ALDH3A2: variants seen among roughly 807,000 people sequenced by gnomAD.
The protein encoded by ALDH3A2 is aldehyde dehydrogenase 3 family member A2.
A neutral mutation model predicts 51.3 loss-of-function variants in ALDH3A2; 36 were observed. The ratio of observed to expected loss-of-function variants is 0.70; its 90% confidence interval spans 0.54 to 0.93. The LOEUF is 0.93. Among genes scored for constraint, ALDH3A2 ranks in the 40% least tolerant of loss-of-function variants. The pLI, the probability that ALDH3A2 is intolerant of heterozygous loss-of-function variation, is 0.00. For synonymous variants in ALDH3A2, 199 were observed against 219.8 expected (o/e 0.91, Z 0.84); for missense variants, 552 against 603.1 (o/e 0.92, Z 0.89).
Position 19,656,499 on chromosome 17 carries a change from C to A in ALDH3A2, c.605C>A (p.Thr202Asn), listed in dbSNP as rs2084899291. ...ATGGAAGCTGCTGCCAAGCATCTGA[C>A]CCCTGTGACTCTTGAACTGGGAGGG... ...IVMEAAAKHL[T>N]PVTLELGGKS... The change falls in exon 4 of 10, where the codon ACC (threonine) becomes AAC (asparagine). Residue 202 changes from threonine (T) to asparagine (N), a missense_variant. By Grantham distance (65) the Thr-to-Asn change is moderately conservative (BLOSUM62 0). Transcript: ENST00000176643. 4 of 1,614,146 alleles carry A rather than the reference C, an allele frequency of 2.5e-6. No homozygotes were observed. The highest frequency in any genetic ancestry group is 3.4e-6 in the Non-Finnish European group (4 of 1,180,036).
intron 8 of ALDH3A2, among the ~76,000 whole-genome samples, chr17:19,670,905 G>A (rs1472361570): frequency 6.6e-6 from 1 of 152,074 alleles, no homozygotes; most frequent in African/African-American, 2.4e-5. Context: ...GGTTTCTCAT[G>A]GTCTTGTCCT....
rs930628034 is a variant in ALDH3A2, at chr17:19,654,670, G to A, written c.472-1696G>A. 5.3e-5 allele frequency among the ~76,000 whole-genome samples: 8 copies of A among 151,666 alleles called. No individual in the cohort carries two copies. The highest frequency in any genetic ancestry group is 2.1e-4 in the South Asian group (1 of 4,780). The stretch of plus-strand genomic sequence containing the variant: ...TCGCTCTGGCTTGTGAGCGCCACGC[G>A]CAGCCCCGGTTCCTGCCTGCGCCTC... On this transcript the variant is annotated intron_variant, in intron 3 of 9. Coordinates refer to ENST00000176643, the MANE Select transcript of ALDH3A2 (RefSeq NM_000382.3). This position sits in a 1 kb window ranked among gnomAD's most constrained non-coding sequence, Gnocchi z 4.5.
intron 1 of ALDH3A2, chr17:19,649,708 TCTC>T (rs369725193): frequency 2.6e-5 from 4 of 152,382 alleles, no homozygotes; most frequent in Non-Finnish European, 4.4e-5. Flanking sequence ...TTAGGTCAGT[TCTC>T]CTCAAATTTT....
At chr17:19,661,474 C>T (rs932604007) in intron 6 of ALDH3A2, 4 of 596,222 alleles carry the variant, frequency 6.7e-6, no homozygotes, top group African/African-American at 5.6e-5. Context: ...ATGCCACCAG[C>T]GTTGCTCCAG....
At position 19,649,095 on chromosome 17, in the gene ALDH3A2, C is replaced by G. The variant is rs982580046; in HGVS notation, c.124C>G (p.Leu42Val). The G allele has an allele frequency of 3.2e-6, 5 of 1,580,708 alleles. No homozygotes were observed. Among genetic ancestry groups the G allele is most frequent in the Non-Finnish European group, 4.3e-6 (5 of 1,163,904 alleles). Reference protein sequence around the residue: ...RMVQEREKDILTAIAADLCKS... With the variant: ...RMVQEREKDIVTAIAADLCKS... Reference sequence around the variant, plus strand: ...GGTGCAGGAGCGCGAGAAGGATATCCTGACGGCCATCGCCGCCGACCTGTG... The same window carrying G: ...GGTGCAGGAGCGCGAGAAGGATATCGTGACGGCCATCGCCGCCGACCTGTG... The change falls in exon 1 of 10, where the codon CTG becomes GTG. Residue 42 changes from leucine to valine, a missense_variant. Physicochemically the swap from Leu to Val is conservative, Grantham distance 32 (BLOSUM62 1). Coordinates refer to ENST00000176643, the MANE Select transcript of ALDH3A2 (RefSeq NM_000382.3).
In ALDH3A2 at chr17:19,663,360, CT is replaced by C; in HGVS notation, c.969del (p.Thr325ProfsTer3). ...CCAACAGTACTTACCGATGTTGATCCTAAAACCAAGGTGATGCAAGAAGAAA... is the reference window on the plus strand; with the variant it reads ...CCAACAGTACTTACCGATGTTGATCCAAAACCAAGGTGATGCAAGAAGAAA... ...IAPTVLTDVDPKTKVMQEEIF... is the reference protein window; with the variant it reads ...IAPTVLTDVDXKTKVMQEEIF... On this transcript the variant is annotated frameshift_variant, in exon 7 of 10. Coordinates refer to ENST00000176643, the MANE Select transcript of ALDH3A2 (RefSeq NM_000382.3). LOFTEE classifies it high-confidence loss of function. The C allele has an allele frequency of 6.2e-7, 1 of 1,614,078 alleles. No individual in the cohort carries two copies. Among genetic ancestry groups the C allele is most frequent in the Non-Finnish European group, 8.5e-7 (1 of 1,180,010 alleles).
chr17:19,648,395 C>A (rs2084763146), upstream of ALDH3A2: 1 of 152,916 alleles, frequency 6.5e-6, no homozygotes, highest in South Asian at 2.0e-4. Context: ...GAGGAGGGAA[C>A]CCCTCAGAGC....
In ALDH3A2 at chr17:19,673,354, T is replaced by G. The variant is rs1567608193; in HGVS notation, c.1443+1398T>G. 3.7e-6 allele frequency: 5 copies of G among 1,359,376 alleles called. No homozygotes were observed. In the African/African-American group the frequency reaches 5.5e-5, roughly 15 times the overall value. 84.2% of individuals were successfully genotyped at this position (1,359,376 alleles called of 1,614,324 possible). A position where few individuals can be genotyped will look rare whatever the true frequency, so the allele number is the denominator to read the frequency against. On this transcript the variant is annotated intron_variant, in intron 9 of 9. Transcript: ENST00000176643. ...TTTTCAAGGGTTTTTTGGTTTGTTT[T>G]TGTTTTTGTTTTTGTTTTTGTTTTT...
At chr17:19,669,461 C>G (rs891551190) in intron 8 of ALDH3A2, among the ~76,000 whole-genome samples, 1 of 151,892 alleles carries the variant, frequency 6.6e-6, no homozygotes, top group South Asian at 2.1e-4. Flanking sequence ...AATAAAAACA[C>G]GTTTGGGTCA....
At chr17:19,669,977 G>A (rs183032860) in intron 8 of ALDH3A2, among the ~76,000 whole-genome samples, 12 of 152,268 alleles carry the variant, frequency 7.9e-5, no homozygotes, top group African/African-American at 2.9e-4. Context: ...CTAATAAGTA[G>A]TAAAGCCAAG....
At chr17:19,669,939 C>T (rs1486538494) in intron 8 of ALDH3A2, among the ~76,000 whole-genome samples, 1 of 152,110 alleles carries the variant, frequency 6.6e-6, no homozygotes, top group Non-Finnish European at 1.5e-5. Flanking sequence ...CGTGCCCGGT[C>T]AAATGCACGC....
chr17:19,661,498 C>T (rs1456681637), intron 6 of ALDH3A2: 4 of 516,692 alleles, frequency 7.7e-6, no homozygotes, highest in East Asian at 3.5e-5. Flanking sequence ...TTCATATTTA[C>T]ACATAACTCC....
chr17:19,665,452 C>A (rs1004019502), intron 8 of ALDH3A2, among the ~76,000 whole-genome samples: 1 of 151,078 alleles, frequency 6.6e-6, no homozygotes, highest in Non-Finnish European at 1.5e-5. Flanking sequence ...GTTCGGAATA[C>A]CAGGGACAGA....
intron 6 of ALDH3A2, among the ~76,000 whole-genome samples, chr17:19,663,075 AG>A (rs1443524917): frequency 6.6e-6 from 1 of 152,210 alleles, no homozygotes; most frequent in Non-Finnish European, 1.5e-5. Flanking sequence ...GGCTGTGAAC[AG>A]GGTTCAATGT....
intron 4 of ALDH3A2, 59 bp downstream of exon 4, chr17:19,656,633 C>T: frequency 6.8e-7 from 1 of 1,470,682 alleles, no homozygotes; most frequent in Non-Finnish European, 9.3e-7. Flanking sequence ...CTTTTCCTGA[C>T]AATGTTACTC....
chr17:19,656,310 G>T (rs2072332), intron 3 of ALDH3A2, 56 bp from the exon 4 acceptor site: 2 of 1,425,414 alleles, frequency 1.4e-6, no homozygotes, highest in Non-Finnish European at 2.0e-6. Context: ...GATTGCTGAT[G>T]TTAGACGTTA....
chr17:19,651,707 T>A lies in ALDH3A2; in HGVS notation c.314T>A (p.Val105Glu), dbSNP rs771050461. The change falls in exon 2 of 10, where the codon GTG becomes GAG. Residue 105 changes from valine (V) to glutamate (E), a missense_variant. By Grantham distance (121) the Val-to-Glu change is moderately radical. Coordinates refer to ENST00000176643, the MANE Select transcript of ALDH3A2 (RefSeq NM_000382.3). Reference sequence around the variant, plus strand: ...ATTCAGCCACAGCCTCTGGGAGTGGTGCTGATAATCGGAGCTTGGAATTAC... The same window carrying A: ...ATTCAGCCACAGCCTCTGGGAGTGGAGCTGATAATCGGAGCTTGGAATTAC... ...AYIQPQPLGV[V>E]LIIGAWNYPF... 6.2e-7 allele frequency: 1 copy of A among 1,614,198 alleles called. No individual in the cohort carries two copies. The highest frequency in any genetic ancestry group is 8.5e-7 in the Non-Finnish European group (1 of 1,180,040).
rs1024729738 is a variant in ALDH3A2 at position 19,665,065 on chromosome 17, C to G, written c.1207+18C>G. The G allele has an allele frequency of 6.3e-7, 1 of 1,593,722 alleles. No individual in the cohort carries two copies. On this transcript the variant is annotated intron_variant, in intron 8 of 9. Transcript: ENST00000176643. The stretch of plus-strand genomic sequence containing the variant: ...AGGAGTGGGTGAGTCTTATTTTCTC[C>G]TGCTTGTAGTAGATATTTCAAAAGC...
At chr17:19,655,884 C>A (rs1371750861) in intron 3 of ALDH3A2, among the ~76,000 whole-genome samples, 7 of 152,200 alleles carry the variant, frequency 4.6e-5, no homozygotes, top group Non-Finnish European at 1.0e-4. Context: ...CAGATTCAAA[C>A]CAGATACACT....
Sources: gnomAD v4.1 joint callset for allele counts (sites outside exome capture counted in the v4.1 genomes callset) on GRCh38, gnomAD v4.1.1 for gene constraint, Gnocchi (gnomAD v3.1) non-coding constraint, MANE v1.5 for transcripts, NCBI Gene and HGNC (gene_info 2026-07-23, HGNC 2026-07-21) for gene names.